HTRA2: variants seen among roughly 807,000 people sequenced by gnomAD.
The protein encoded by HTRA2 is serine protease HTRA2, mitochondrial.
HTRA2 carries 24 observed loss-of-function variants against 42.2 expected under a neutral mutation model. The ratio of observed to expected loss-of-function variants is 0.57; its 90% CI spans 0.41 to 0.80. HTRA2 has a LOEUF of 0.80. Among genes scored for constraint, HTRA2 ranks in the 30% least tolerant of loss-of-function variants. HTRA2 has a pLI of 0.00. For synonymous variants in HTRA2, 245 were observed against 255.8 expected (o/e 0.96, Z 0.40); for missense variants, 466 against 613.5 (o/e 0.76, Z 2.54).
chr2:74,531,205 G>A, intron 3 of HTRA2, 100 bp downstream of exon 3: 1 of 1,536,684 alleles, frequency 6.5e-7, no homozygotes, highest in East Asian at 2.2e-5. Flanking sequence ...CCTATATAGA[G>A]CTTAGGCTGC....
chr2:74,533,543 G>A, downstream of HTRA2: 2 of 1,453,338 alleles, frequency 1.4e-6, no homozygotes, highest in Non-Finnish European at 1.9e-6. Flanking sequence ...AGCTCCTGAG[G>A]TAATGGCAGC....
rs1406333960 is a variant in HTRA2 at position 74,530,870 on chromosome 2, C to A, written c.712-41C>A. On this transcript the variant is annotated intron_variant, in intron 2 of 7. Coordinates refer to ENST00000258080, the MANE Select transcript of HTRA2 (RefSeq NM_013247.5). The surrounding 1 kb of genome is among the most constrained non-coding windows in gnomAD (Gnocchi z 7.4). ...CTGGTTGGAGCTGCTTATTTGCTCG[C>A]ATCTTCAGATGACAGGTCTCTTTTA... 1.2e-6 allele frequency: 2 copies of A among 1,614,114 alleles called. No homozygotes were observed.
Position 74,530,807 on chromosome 2 carries a change from A to G in HTRA2, c.697A>G (p.Arg233Gly). The change falls in exon 2 of 8, where the codon AGG becomes GGG. Residue 233 changes from arginine to glycine, a missense_variant. By Grantham distance (125) the Arg-to-Gly change is moderately radical (BLOSUM62 -2). Transcript: ENST00000258080. The surrounding 1 kb of genome is among the most constrained non-coding windows in gnomAD (Gnocchi z 7.4). ...VDPVADIATLRIQTKEPLPTL... is the reference protein window; with the variant it reads ...VDPVADIATLGIQTKEPLPTL... The stretch of plus-strand genomic sequence containing the variant: ...TCCCGTGGCAGACATCGCAACGCTG[A>G]GGATTCAGACTAAGGTGGGGGCTGG... 6.2e-7 allele frequency: 1 copy of G among 1,614,146 alleles called. No individual in the cohort carries two copies. The highest frequency in any genetic ancestry group is 8.5e-7 in the Non-Finnish European group (1 of 1,180,038).
At position 74,531,919 on chromosome 2, in the gene HTRA2, G is replaced by A; in HGVS notation, c.1109G>A (p.Ser370Asn). Residue 370 changes from serine to asparagine, a missense_variant, in exon 6 of 8, where the codon AGT (serine) becomes AAT (asparagine). By Grantham distance (46) the Ser-to-Asn change is conservative. Coordinates refer to ENST00000258080, the MANE Select transcript of HTRA2 (RefSeq NM_013247.5). The part of the protein sequence containing the change: ...RYIGVMMLTL[S>N]PSILAELQLR... ...ATTGGGGTGATGATGCTGACCCTGA[G>A]TCCCAGGTATGAGCTTTAGGGACAG... 1 of 1,614,152 alleles carries A rather than the reference G, an allele frequency of 6.2e-7. No individual in the cohort carries two copies. The highest frequency in any genetic ancestry group is 2.2e-5 in the East Asian group (1 of 44,884).
upstream of HTRA2, chr2:74,529,597 C>A: frequency 5.7e-6 from 9 of 1,567,116 alleles, no homozygotes; most frequent in African/African-American, 1.3e-5. Flanking sequence ...AGTCAAAGAG[C>A]CGCTCCGGCC....
rs1019933636 is a variant in HTRA2 at position 74,530,299 on chromosome 2, A to G, written c.293A>G (p.Asn98Ser). The change falls in exon 1 of 8, where the codon AAC (asparagine) becomes AGC (serine). Residue 98 changes from asparagine to serine, a missense_variant. Transcript: ENST00000258080. This position sits in a 1 kb window ranked among gnomAD's most constrained non-coding sequence, Gnocchi z 7.4. ...PDTRTREASENSGTRSRAWLA... is the reference protein window; with the variant it reads ...PDTRTREASESSGTRSRAWLA... Reference sequence around the variant, plus strand: ...ACCAGGACCCGGGAGGCCTCAGAGAACTCTGGAACCCGTTCGCGCGCGTGG... The same window carrying G: ...ACCAGGACCCGGGAGGCCTCAGAGAGCTCTGGAACCCGTTCGCGCGCGTGG... 11 of 1,601,360 alleles carry G rather than the reference A, an allele frequency of 6.9e-6. No homozygotes were observed. The highest frequency in any genetic ancestry group is 7.7e-6 in the Non-Finnish European group (9 of 1,172,430).
chr2:74,532,796 C>A, intron 7 of HTRA2, 24 bp from the exon 8 acceptor site: 1 of 1,614,068 alleles, frequency 6.2e-7, no homozygotes, highest in Non-Finnish European at 8.5e-7. Context: ...TCCTTCCTTT[C>A]TCTCTGTCCA....
rs779575530 is a variant in HTRA2 at position 74,530,516 on chromosome 2, A to G, written c.506+4A>G. ...TCTATATCGAGATCCTGGACCGGTA[A>G]TGGTGGGGGTAGACCGGGAGGCACT... On this transcript the variant is annotated splice_donor_region_variant and intron_variant, in intron 1 of 7. Transcript: ENST00000258080. The surrounding 1 kb of genome is among the most constrained non-coding windows in gnomAD (Gnocchi z 7.4). 8 of 1,612,650 alleles carry G rather than the reference A, an allele frequency of 5.0e-6. No homozygotes were observed. The South Asian group carries it at 8.8e-5, about 18-fold the overall frequency.
chr2:74,529,651 C>A, upstream of HTRA2: 1 of 1,548,056 alleles, frequency 6.5e-7, no homozygotes, highest in Non-Finnish European at 8.7e-7. Context: ...CAGGAGCGCC[C>A]GGCCGTCGCC....
In HTRA2 at chr2:74,531,331, T is replaced by C. The variant is rs1484689237; in HGVS notation, c.907-8T>C. On this transcript the variant is annotated splice_region_variant and splice_polypyrimidine_tract_variant and intron_variant, in intron 3 of 7. Transcript: ENST00000258080. Reference sequence around the variant, plus strand: ...AGATCTCTTTCATGTTTTCTCCTTGTCCTACAGTTTGGAAACTCTGGAGGT... The same window carrying C: ...AGATCTCTTTCATGTTTTCTCCTTGCCCTACAGTTTGGAAACTCTGGAGGT... 6.2e-7 allele frequency: 1 copy of C among 1,613,936 alleles called. No individual in the cohort carries two copies. Among genetic ancestry groups the C allele is most frequent in the Non-Finnish European group, 8.5e-7 (1 of 1,179,900 alleles).
Position 74,530,822 on chromosome 2 carries a change from G to A in HTRA2, c.711+1G>A. The A allele has an allele frequency of 6.2e-7, 1 of 1,614,196 alleles. No individual in the cohort carries two copies. Among genetic ancestry groups the A allele is most frequent in the East Asian group, 2.2e-5 (1 of 44,880 alleles). Reference sequence around the variant, plus strand: ...CGCAACGCTGAGGATTCAGACTAAGGTGGGGGCTGGGGTAGGCCAGGTCTG... The same window carrying A: ...CGCAACGCTGAGGATTCAGACTAAGATGGGGGCTGGGGTAGGCCAGGTCTG... On this transcript the variant is annotated splice_donor_variant, in intron 2 of 7. Transcript: ENST00000258080. LOFTEE classifies it high-confidence loss of function. This position sits in a 1 kb window ranked among gnomAD's most constrained non-coding sequence, Gnocchi z 7.4.
Position 74,531,045 on chromosome 2 carries a change from CAG to C in HTRA2, c.850_851del (p.Asp284ProfsTer14). The C allele has an allele frequency of 1.9e-6, 3 of 1,614,216 alleles. No homozygotes were observed. Among genetic ancestry groups the C allele is most frequent in the Non-Finnish European group, 2.5e-6 (3 of 1,180,046 alleles). On this transcript the variant is annotated frameshift_variant, in exon 3 of 8. Coordinates refer to ENST00000258080, the MANE Select transcript of HTRA2 (RefSeq NM_013247.5). LOFTEE classifies it high-confidence loss of function. ...GIVSSAQRPA[R>X]DLGLPQTNVE... is the part of the protein sequence containing the mutation. ...TTGTTAGCTCTGCTCAGCGTCCAGC[CAG>C]AGACCTGGGACTCCCCCAAACCAAT...
chr2:74,532,443 T>C (rs1281260896), intron 6 of HTRA2, 176 bp from the exon 7 acceptor site: 5 of 663,088 alleles, frequency 7.5e-6, no homozygotes, highest in Non-Finnish European at 1.4e-5. Flanking sequence ...ACATCTTTTA[T>C]GTACATGTTG....
At chr2:74,531,139 G>A in intron 3 of HTRA2, 34 bp downstream of exon 3, 1 of 1,605,554 alleles carries the variant, frequency 6.2e-7, no homozygotes, top group Non-Finnish European at 8.5e-7. Flanking sequence ...GACAAATGAT[G>A]GGGGAGGGGG....
In HTRA2 at chr2:74,530,922, C is replaced by G; in HGVS notation, c.723C>G (p.Pro241=). Residue 241 remains proline (P), a synonymous_variant, in exon 3 of 8, where the codon CCC becomes CCG. Transcript: ENST00000258080. The surrounding 1 kb of genome is among the most constrained non-coding windows in gnomAD (Gnocchi z 7.4). ...CCATTCTCCCTTAGGAGCCTCTCCC[C>G]ACGCTGCCTCTGGGACGCTCAGCTG... The part of the protein sequence containing the change: ...TLRIQTKEPL[P]TLPLGRSADV... 1.9e-6 allele frequency: 3 copies of G among 1,614,226 alleles called. No homozygotes were observed.
chr2:74,529,505 G>A (rs1558608570), upstream of HTRA2: 2 of 1,549,932 alleles, frequency 1.3e-6, no homozygotes, highest in Admixed American at 1.9e-5. Context: ...GAAGCCTGGG[G>A]GCGAGAGGCG....
chr2:74,532,785 C>A, intron 7 of HTRA2, 35 bp from the exon 8 acceptor site: 1 of 1,613,850 alleles, frequency 6.2e-7, no homozygotes, highest in Non-Finnish European at 8.5e-7. Flanking sequence ...AGGCTTTGTA[C>A]TCCTTCCTTT....
chr2:74,529,658 C>A (rs1191552111), upstream of HTRA2: 3 of 1,544,670 alleles, frequency 1.9e-6, no homozygotes, highest in Non-Finnish European at 2.6e-6. Context: ...GCCCGGCCGT[C>A]GCCGCCGCCG....
chr2:74,531,566 G>C lies in HTRA2; in HGVS notation c.940-31G>C, dbSNP rs567866413. On this transcript the variant is annotated intron_variant, in intron 4 of 7. Coordinates refer to ENST00000258080, the MANE Select transcript of HTRA2 (RefSeq NM_013247.5). ...GCCCCCATCCCCTACTATTTGTTTA[G>C]GCTAGGGAACTGGGGGCTGTATCCC... 3.3e-5 allele frequency: 54 copies of C among 1,614,064 alleles called. No homozygotes were observed. In the East Asian group the frequency reaches 1.1e-3, roughly 33 times the overall value.
Sources: gnomAD v4.1 joint callset for allele counts on GRCh38, gnomAD v4.1.1 for gene constraint, Gnocchi (gnomAD v3.1) non-coding constraint, MANE v1.5 for transcripts, NCBI Gene and HGNC (gene_info 2026-07-23, HGNC 2026-07-21) for gene names.